The following CRYBG1 variants were observed in gnomAD, a reference collection of about 807,000 sequenced individuals.
CRYBG1 encodes the protein crystallin beta-gamma domain containing 1.
CRYBG1 carries 139 observed loss-of-function variants against 189.2 expected under a neutral mutation model. The observed-to-expected ratio is 0.73, with a 90% CI of 0.64 to 0.85. CRYBG1 has a LOEUF of 0.85. Ranked by LOEUF, CRYBG1 falls within the 40% of genes least tolerant of loss-of-function variation. CRYBG1 has a pLI of 0.00. For synonymous variants in CRYBG1, 1,023 were observed against 1,017.1 expected, an observed-to-expected ratio of 1.01 and a Z score of -0.11; for missense variants, 2,611 against 2,675.8, an observed-to-expected ratio of 0.98 and a Z score of 0.53.
chr6:106,438,860 A>C (rs9486340), intron 1 of CRYBG1, among the ~76,000 whole-genome samples: 16,756 of 152,186 alleles, frequency 0.11, 1,066 homozygotes, highest in Middle Eastern at 0.17. Flanking sequence ...ATTTTCTCAT[A>C]TTTAAAGTCT....
chr6:106,484,006 T>C (rs1772539995), intron 2 of CRYBG1, among the ~76,000 whole-genome samples: 1 of 152,228 alleles, frequency 6.6e-6, no homozygotes, highest in African/African-American at 2.4e-5. Flanking sequence ...CTCTAATCCA[T>C]TTTGAGTTGA....
At chr6:106,419,104 G>T (rs554747986) in intron 1 of CRYBG1, among the ~76,000 whole-genome samples, 1 of 152,244 alleles carries the variant, frequency 6.6e-6, no homozygotes, top group South Asian at 2.1e-4. Context: ...AGATGGAGCC[G>T]CCATGTTGAA....
rs1057359792 is a variant in CRYBG1 at position 106,512,133 on chromosome 6, C to T, written c.1016C>T (p.Ala339Val). The T allele has an allele frequency of 1.4e-5, 22 of 1,534,370 alleles. No homozygotes were observed. The highest frequency in any genetic ancestry group is 1.8e-5 in the Non-Finnish European group (21 of 1,145,970). The change falls in exon 3 of 22, where the codon GCG (alanine) becomes GTG (valine). Residue 339 changes from alanine (A) to valine (V), a missense_variant. Physicochemically the swap from Ala to Val is moderately conservative, Grantham distance 64. This residue lies in a region of CRYBG1 where 985 missense variants were observed against 924.4 expected (regional missense o/e 1.07). Transcript: ENST00000633556. Reference protein sequence around the residue: ...RNARSQPPKGASDLPGEPPAE... With the variant: ...RNARSQPPKGVSDLPGEPPAE... ...GCCCGCAGCCAGCCCCCCAAGGGCG[C>T]GTCTGATTTGCCAGGTGAGCCTCCG...
intron 11 of CRYBG1, 116 bp downstream of exon 11, chr6:106,543,713 CA>C (rs1774193722): frequency 4.4e-6 from 5 of 1,146,430 alleles, no homozygotes; most frequent in Non-Finnish European, 6.2e-6. Flanking sequence ...TGAATTTTGA[CA>C]GTTATATCCA....
At chr6:106,537,130 T>C (rs1774022540) in intron 8 of CRYBG1, among the ~76,000 whole-genome samples, 1 of 152,208 alleles carries the variant, frequency 6.6e-6, no homozygotes, top group African/African-American at 2.4e-5. Flanking sequence ...ATGAATGTTA[T>C]GCAACTAAAC....
intron 15 of CRYBG1, among the ~76,000 whole-genome samples, chr6:106,553,200 T>A (rs1453926717): frequency 2.0e-5 from 3 of 152,226 alleles, no homozygotes; most frequent in African/African-American, 7.2e-5. Context: ...CAACAGGGTG[T>A]TCTATAGAAA....
At chr6:106,518,975 G>GCACACACA (rs377748036) in intron 3 of CRYBG1, among the ~76,000 whole-genome samples, 156 bp from the exon 4 acceptor site, 36,193 of 133,856 alleles carry the variant, frequency 0.27, 4,574 homozygotes, top group Admixed American at 0.3. Flanking sequence ...ACATGTGTGC[G>GCACACACA]CACACACACA....
chr6:106,478,477 G>C (rs1374394539), intron 2 of CRYBG1, among the ~76,000 whole-genome samples: 1 of 152,204 alleles, frequency 6.6e-6, no homozygotes, highest in Non-Finnish European at 1.5e-5. Context: ...TTACACACCT[G>C]CTAAAGACAG....
chr6:106,540,254 G>A (rs1774100989), intron 9 of CRYBG1, among the ~76,000 whole-genome samples: 2 of 152,200 alleles, frequency 1.3e-5, no homozygotes, highest in South Asian at 4.1e-4. Context: ...AGCGCAGTGT[G>A]TGCTGCAGCA....
intron 1 of CRYBG1, among the ~76,000 whole-genome samples, chr6:106,445,822 G>A (rs1261740222): frequency 6.6e-6 from 1 of 152,182 alleles, no homozygotes; most frequent in African/African-American, 2.4e-5. Flanking sequence ...CAAATTTGAA[G>A]ACAACACTGC....
At position 106,525,167 on chromosome 6, in the gene CRYBG1, C is replaced by T; in HGVS notation, c.4280C>T (p.Pro1427Leu). The T allele has an allele frequency of 6.2e-7, 1 of 1,614,096 alleles. No homozygotes were observed. Among genetic ancestry groups the T allele is most frequent in the Middle Eastern group, 1.7e-4 (1 of 6,060 alleles). ...GGAAGTGTCCAAAATAAACTCAATCCCCGACCTGGAAAGGTAAGATTATTT... is the reference window on the plus strand; with the variant it reads ...GGAAGTGTCCAAAATAAACTCAATCTCCGACCTGGAAAGGTAAGATTATTT... ...LRGSVQNKLNPRPGKVVIYSE... is the reference protein window; with the variant it reads ...LRGSVQNKLNLRPGKVVIYSE... Residue 1427 changes from proline (P) to leucine (L), a missense_variant, in exon 5 of 22, where the codon CCC becomes CTC. By Grantham distance (98) the Pro-to-Leu change is moderately conservative. Coordinates refer to ENST00000633556, the MANE Select transcript of CRYBG1 (RefSeq NM_001371242.2).
intron 1 of CRYBG1, among the ~76,000 whole-genome samples, chr6:106,372,312 C>T (rs114223647): frequency 0.021 from 3,177 of 152,042 alleles, 47 homozygotes; most frequent in South Asian, 0.053. Flanking sequence ...AGTGCAGTGG[C>T]ACAATCTCAA....
intron 1 of CRYBG1, among the ~76,000 whole-genome samples, chr6:106,390,355 T>G (rs937833711): frequency 6.6e-6 from 1 of 152,230 alleles, no homozygotes; most frequent in Non-Finnish European, 1.5e-5. Flanking sequence ...AGCAGTGACA[T>G]GTTATAATAA....
intron 1 of CRYBG1, among the ~76,000 whole-genome samples, chr6:106,383,005 G>C (rs1174461834): frequency 1.3e-5 from 2 of 152,150 alleles, no homozygotes; most frequent in African/African-American, 4.8e-5. Flanking sequence ...GCAATTTTTT[G>C]TGTGTGTCTC....
intron 1 of CRYBG1, among the ~76,000 whole-genome samples, chr6:106,401,008 T>C (rs1349734958): frequency 1.3e-5 from 2 of 152,220 alleles, no homozygotes; most frequent in Admixed American, 6.5e-5. Context: ...TGGCCTAGTG[T>C]GCTATGCTCT....
At position 106,527,338 on chromosome 6, in the gene CRYBG1, G is replaced by T. The variant is rs546670852; in HGVS notation, c.4446G>T (p.Gly1482=). The stretch of plus-strand genomic sequence containing the variant: ...TGTATGAGCAACCAAATTTTGAAGG[G>T]CACTCCATCCCCTTAGAAGAAGGAG... ...WILYEQPNFE[G]HSIPLEEGEL... The change falls in exon 7 of 22, where the codon GGG becomes GGT. Residue 1482 remains glycine, a synonymous_variant. Transcript: ENST00000633556. 2.5e-6 allele frequency: 4 copies of T among 1,611,674 alleles called. No homozygotes were observed. Among genetic ancestry groups the T allele is most frequent in the Non-Finnish European group, 3.4e-6 (4 of 1,178,924 alleles).
chr6:106,495,686 A>G (rs1431885647), intron 2 of CRYBG1, among the ~76,000 whole-genome samples: 1 of 152,098 alleles, frequency 6.6e-6, no homozygotes, highest in Non-Finnish European at 1.5e-5. Flanking sequence ...AAAATATTAC[A>G]GGTAATCATT....
chr6:106,366,494 T>C (rs1772002510), intron 1 of CRYBG1, among the ~76,000 whole-genome samples: 1 of 152,162 alleles, frequency 6.6e-6, no homozygotes, highest in South Asian at 2.1e-4. Flanking sequence ...TATAAATATA[T>C]ATTTTTTAAA....
chr6:106,469,358 T>A (rs1484083496), intron 2 of CRYBG1, among the ~76,000 whole-genome samples: 1 of 152,236 alleles, frequency 6.6e-6, no homozygotes, highest in Non-Finnish European at 1.5e-5. Flanking sequence ...GCTTGCTTGT[T>A]GTCTTTCTCT....
Sources: gnomAD v4.1 joint callset for allele counts (sites outside exome capture counted in the v4.1 genomes callset) on GRCh38, gnomAD v4.1.1 for gene constraint, gnomAD v4.1.1 regional missense constraint, MANE v1.5 for transcripts, NCBI Gene and HGNC (gene_info 2026-07-23, HGNC 2026-07-21) for gene names.